Variants in ESS2 observed in about 807,000 individuals in gnomAD.
ESS2 encodes splicing factor ESS-2 homolog.
Under a neutral mutation model 52.0 loss-of-function variants are expected in ESS2, and 31 were observed. The ratio of observed to expected loss-of-function variants is 0.60; its 90% CI spans 0.45 to 0.81. The LOEUF is 0.81. ESS2 is among the 30% of genes least tolerant of loss of function. ESS2 has a pLI of 0.00. For missense variants in ESS2, 602 were observed against 637.2 expected, an observed-to-expected ratio of 0.94 and a Z score of 0.59; for synonymous variants, 285 against 259.2, an observed-to-expected ratio of 1.10 and a Z score of -0.95.
rs370999762 is a variant in ESS2 at position 19,133,288 on chromosome 22, C to G, written c.*908G>C. 1 of 152,428 alleles carries G rather than the reference C, an allele frequency of 6.6e-6. No homozygotes were observed. The highest frequency in any genetic ancestry group is 2.4e-5 in the African/African-American group (1 of 41,456). The allele number at this position is 152,428 out of a possible 1,614,324, so 9.4% of individuals were successfully genotyped here. On this transcript the variant is annotated 3_prime_UTR_variant, in exon 10 of 10. Transcript: ENST00000252137. ...TCAGCACCTAGACATGCTCCTCCCC[C>G]CTCCCTCCCCACTTCCTGGGGGCTC... is the stretch of plus-strand genomic sequence containing the variant.
Position 19,139,160 on chromosome 22 carries a change from T to A in ESS2, c.821A>T (p.Gln274Leu). The A allele has an allele frequency of 6.3e-7, 1 of 1,593,772 alleles. No individual in the cohort carries two copies. Among genetic ancestry groups the A allele is most frequent in the Non-Finnish European group, 8.5e-7 (1 of 1,169,878 alleles). Residue 274 changes from glutamine (Q) to leucine (L), a missense_variant and splice_region_variant, in exon 6 of 10, where the codon CAG becomes CTG. By Grantham distance (113) the Gln-to-Leu change is moderately radical (BLOSUM62 -2). Coordinates refer to ENST00000252137, the MANE Select transcript of ESS2 (RefSeq NM_022719.3). ...GGCCCTGCTGACCCGCCTGCTCACC[T>A]GGGCATTGAGGGCGGCTGCCTGCTG... is the stretch of plus-strand genomic sequence containing the variant. ...QLQQAAALNA[Q>L]HKQGKVGPDG... is the part of the protein sequence containing the mutation.
intron 1 of ESS2, among the ~76,000 whole-genome samples, chr22:19,143,673 T>C (rs893127847): frequency 5.3e-5 from 8 of 151,810 alleles, no homozygotes; most frequent in African/African-American, 1.7e-4. Context: ...CTGGCCAACA[T>C]GGTGAAACCC....
At position 19,131,805 on chromosome 22, in the gene ESS2, G is replaced by A. The variant is rs763012596; in HGVS notation, c.*2391C>T. On this transcript the variant is annotated 3_prime_UTR_variant, in exon 10 of 10. Transcript: ENST00000252137. This position sits in a 1 kb window ranked among gnomAD's most constrained non-coding sequence, Gnocchi z 5.7. ...CCACGACCTGGACATCGTCCACCGGGACCTCAAGTGCGAGAACCTTCTCCT... is the reference window on the plus strand; with the variant it reads ...CCACGACCTGGACATCGTCCACCGGAACCTCAAGTGCGAGAACCTTCTCCT... 1.2e-6 allele frequency: 2 copies of A among 1,614,036 alleles called. No homozygotes were observed. The highest frequency in any genetic ancestry group is 1.7e-6 in the Non-Finnish European group (2 of 1,180,036).
Position 19,134,345 on chromosome 22 carries a change from G to A in ESS2, c.1282C>T (p.Leu428Phe), listed in dbSNP as rs749383026. Residue 428 changes from leucine (L) to phenylalanine (F), a missense_variant, in exon 10 of 10, where the codon CTC becomes TTC. Leu to Phe is a conservative substitution (Grantham distance 22). Coordinates refer to ENST00000252137, the MANE Select transcript of ESS2 (RefSeq NM_022719.3). The part of the protein sequence containing the change: ...YTPSPARSTH[L>F]KTPASGLQTP... ...TGCAGCCCACTGGCCGGGGTCTTGA[G>A]GTGGGTGGAGCGTGCTGGGGATGGT... 13 of 1,612,090 alleles carry A rather than the reference G, an allele frequency of 8.1e-6. No individual in the cohort carries two copies. The highest frequency in any genetic ancestry group is 1.1e-5 in the Non-Finnish European group (13 of 1,179,314).
Position 19,137,135 on chromosome 22 carries a change from C to A in ESS2, c.1035+188G>T, listed in dbSNP as rs1271032351. Among the ~76,000 whole-genome samples, 13 of 152,250 alleles carry A rather than the reference C, an allele frequency of 8.5e-5. No individual in the cohort carries two copies. In the East Asian group the frequency reaches 2.1e-3, roughly 25 times the overall value. Reference sequence around the variant, plus strand: ...GCCTTGGTGTCTCAGCCCTTACACCCCCAAATCCCTCTGTGACAGGTCCAC... The same window carrying A: ...GCCTTGGTGTCTCAGCCCTTACACCACCAAATCCCTCTGTGACAGGTCCAC... On this transcript the variant is annotated intron_variant, in intron 8 of 9. Transcript: ENST00000252137.
At chr22:19,139,431 G>A (rs973436053) in intron 5 of ESS2, 139 bp from the exon 6 acceptor site, 12 of 1,354,792 alleles carry the variant, frequency 8.9e-6, no homozygotes, top group African/African-American at 1.4e-5. Context: ...CCGCTGGAGA[G>A]GGTCTCACTC....
At chr22:19,138,619 G>A (rs915504527) in intron 6 of ESS2, 14 of 550,960 alleles carry the variant, frequency 2.5e-5, no homozygotes, top group Admixed American at 1.6e-4. Flanking sequence ...GGATGCTGAC[G>A]CCAGGCCCCT....
intron 9 of ESS2, 102 bp from the exon 10 acceptor site, chr22:19,134,577 A>G: frequency 7.9e-7 from 1 of 1,259,910 alleles, no homozygotes; most frequent in Non-Finnish European, 1.1e-6. Context: ...GCAGAGACAC[A>G]GTCACTCTGA....
At chr22:19,140,345 C>T (rs2083664086) in intron 3 of ESS2, among the ~76,000 whole-genome samples, 1 of 152,174 alleles carries the variant, frequency 6.6e-6, no homozygotes, top group African/African-American at 2.4e-5. Context: ...AGCTCGTGAT[C>T]ACAGGCAGGC....
Position 19,134,329 on chromosome 22 carries a change from C to A in ESS2, c.1298G>T (p.Ser433Ile), listed in dbSNP as rs2146089047. 6 of 1,610,700 alleles carry A rather than the reference C, an allele frequency of 3.7e-6. No individual in the cohort carries two copies. The highest frequency in any genetic ancestry group is 5.1e-6 in the Non-Finnish European group (6 of 1,178,408). The change falls in exon 10 of 10, where the codon AGT becomes ATT. Residue 433 changes from serine to isoleucine, a missense_variant. Coordinates refer to ENST00000252137, the MANE Select transcript of ESS2 (RefSeq NM_022719.3). ...TGTGCTTGTGGGGGTCTGCAGCCCACTGGCCGGGGTCTTGAGGTGGGTGGA... is the reference window on the plus strand; with the variant it reads ...TGTGCTTGTGGGGGTCTGCAGCCCAATGGCCGGGGTCTTGAGGTGGGTGGA... ...ARSTHLKTPA[S>I]GLQTPTSTPA...
In ESS2 at chr22:19,133,273, G is replaced by A. The variant is rs2083527820; in HGVS notation, c.*923C>T. 2.6e-5 allele frequency: 4 copies of A among 152,448 alleles called. No individual in the cohort carries two copies. The highest frequency in any genetic ancestry group is 6.5e-5 in the Admixed American group (1 of 15,278). The allele number at this position is 152,448 out of a possible 1,614,324, so 9.4% of individuals were successfully genotyped here. Reference sequence around the variant, plus strand: ...AAGTGCTCCAGGTGGTCAGCACCTAGACATGCTCCTCCCCCCTCCCTCCCC... The same window carrying A: ...AAGTGCTCCAGGTGGTCAGCACCTAAACATGCTCCTCCCCCCTCCCTCCCC... On this transcript the variant is annotated 3_prime_UTR_variant, in exon 10 of 10. Coordinates refer to ENST00000252137, the MANE Select transcript of ESS2 (RefSeq NM_022719.3).
Position 19,132,409 on chromosome 22 carries a change from T to C in ESS2, c.*1787A>G. 1 of 1,612,788 alleles carries C rather than the reference T, an allele frequency of 6.2e-7. No individual in the cohort carries two copies. Among genetic ancestry groups the C allele is most frequent in the Non-Finnish European group, 8.5e-7 (1 of 1,179,960 alleles). ...AACGAGAACAGGATGGAGGACAGGC[T>C]GGCCGAGACCTCCAGGGCCAAAGAC... On this transcript the variant is annotated 3_prime_UTR_variant, in exon 10 of 10. Coordinates refer to ENST00000252137, the MANE Select transcript of ESS2 (RefSeq NM_022719.3). This position sits in a 1 kb window ranked among gnomAD's most constrained non-coding sequence, Gnocchi z 4.2.
chr22:19,130,605 TC>T lies in ESS2; in HGVS notation c.*3590del, dbSNP rs1209344978. The stretch of plus-strand genomic sequence containing the variant: ...GAGCTGCCTTAGACTATCCAATTGA[TC>T]TATTCAAACAGCTGCCTGTTCCCTT... On this transcript the variant is annotated 3_prime_UTR_variant, in exon 10 of 10. Transcript: ENST00000252137. 2.5e-6 allele frequency: 1 copy of T among 395,836 alleles called. No individual in the cohort carries two copies. The highest frequency in any genetic ancestry group is 4.9e-6 in the Non-Finnish European group (1 of 205,844). The allele number at this position is 395,836 out of a possible 1,614,324, so 24.5% of individuals were successfully genotyped here. A position where few individuals can be genotyped will look rare whatever the true frequency, so the allele number is the denominator to read the frequency against.
Position 19,137,352 on chromosome 22 carries a change from C to A in ESS2, c.1006G>T (p.Val336Leu), listed in dbSNP as rs17743887. 8 of 1,613,742 alleles carry A rather than the reference C, an allele frequency of 5.0e-6. No homozygotes were observed. The highest frequency in any genetic ancestry group is 6.8e-6 in the Non-Finnish European group (8 of 1,179,802). Residue 336 changes from valine to leucine, a missense_variant, in exon 8 of 10, where the codon GTG becomes TTG. Physicochemically the swap from Val to Leu is conservative, Grantham distance 32. Coordinates refer to ENST00000252137, the MANE Select transcript of ESS2 (RefSeq NM_022719.3). Reference sequence around the variant, plus strand: ...AAAGCTGGGCCGGGTGTCCTGTCCACGTAGGGCGTTTCCGACCCTTCAACT... The same window carrying A: ...AAAGCTGGGCCGGGTGTCCTGTCCAAGTAGGGCGTTTCCGACCCTTCAACT... Reference protein sequence around the residue: ...LRVEGSETPYVDRTPGPAFKI... With the variant: ...LRVEGSETPYLDRTPGPAFKI...
rs898887168 is a variant in ESS2, at chr22:19,133,586, A to C, written c.*610T>G. 2.0e-5 allele frequency: 3 copies of C among 152,300 alleles called. No homozygotes were observed. Among genetic ancestry groups the C allele is most frequent in the Non-Finnish European group, 4.4e-5 (3 of 68,124 alleles). The allele number at this position is 152,300 out of a possible 1,614,324, so 9.4% of individuals were successfully genotyped here. On this transcript the variant is annotated 3_prime_UTR_variant, in exon 10 of 10. Coordinates refer to ENST00000252137, the MANE Select transcript of ESS2 (RefSeq NM_022719.3). ...ATCACCTGATATGCAGCCCCCACAC[A>C]GTCCTATAACCAGCGCACCTCACAG...
intron 7 of ESS2, 110 bp from the exon 8 acceptor site, chr22:19,137,542 C>G: frequency 4.2e-6 from 4 of 960,728 alleles, no homozygotes; most frequent in Non-Finnish European, 6.2e-6. Flanking sequence ...CGAAGGCAGG[C>G]AGCTAGCCCT....
chr22:19,143,626 C>A (rs1240249213), intron 1 of ESS2, among the ~76,000 whole-genome samples: 1 of 152,078 alleles, frequency 6.6e-6, no homozygotes, highest in Non-Finnish European at 1.5e-5. Context: ...GAGGCCAAGG[C>A]GGGCGGATCA....
chr22:19,143,171 C>A (rs1402254589), intron 1 of ESS2, among the ~76,000 whole-genome samples: 5 of 146,342 alleles, frequency 3.4e-5, no homozygotes, highest in African/African-American at 1.3e-4. Flanking sequence ...CACCCCTGCA[C>A]TCCAGCCTGG....
chr22:19,137,292 C>T (rs1393279823), intron 8 of ESS2, 31 bp downstream of exon 8: 12 of 1,524,832 alleles, frequency 7.9e-6, no homozygotes, highest in Admixed American at 1.7e-5. Flanking sequence ...CCACCCCGGT[C>T]GCACACAGTT....
Sources: gnomAD v4.1 joint callset for allele counts (sites outside exome capture counted in the v4.1 genomes callset) on GRCh38, gnomAD v4.1.1 for gene constraint, Gnocchi (gnomAD v3.1) non-coding constraint, MANE v1.5 for transcripts, NCBI Gene and HGNC (gene_info 2026-07-23, HGNC 2026-07-21) for gene names.